Variants in TSPAN12 observed in about 807,000 individuals in gnomAD.
The protein encoded by TSPAN12 is tetraspanin-12.
TSPAN12 carries 19 observed loss-of-function variants against 39.2 expected under a neutral mutation model. The ratio of observed to expected loss-of-function variants is 0.49; its 90% confidence interval spans 0.34 to 0.71. TSPAN12 has a LOEUF of 0.71. Ranked by LOEUF, TSPAN12 falls within the 30% of genes least tolerant of loss-of-function variation. The pLI, the probability that TSPAN12 is intolerant of heterozygous loss-of-function variation, is 0.01. For missense variants in TSPAN12, 314 were observed against 359.9 expected, an observed-to-expected ratio of 0.87 and a Z score of 1.03; for synonymous variants, 119 against 124.8, an observed-to-expected ratio of 0.95 and a Z score of 0.31.
intron 7 of TSPAN12, among the ~76,000 whole-genome samples, chr7:120,803,687 C>A (rs572011520): frequency 1.3e-5 from 2 of 152,298 alleles, no homozygotes; most frequent in Non-Finnish European, 2.9e-5. Flanking sequence ...TCATGGCTGA[C>A]AATGCCAGCT....
chr7:120,834,676 T>C (rs555368503), intron 4 of TSPAN12, among the ~76,000 whole-genome samples: 66 of 152,340 alleles, frequency 4.3e-4, no homozygotes, highest in Middle Eastern at 3.4e-3. Flanking sequence ...TAATCTGTTT[T>C]ACAGCTCTTA....
chr7:120,853,300 G>T (rs895690168), intron 2 of TSPAN12, among the ~76,000 whole-genome samples: 6 of 151,454 alleles, frequency 4.0e-5, no homozygotes, highest in African/African-American at 1.5e-4. Flanking sequence ...CACCATGTTG[G>T]CCAGTATGGT....
intron 4 of TSPAN12, among the ~76,000 whole-genome samples, chr7:120,829,387 GA>G (rs1279177074): frequency 1.3e-5 from 2 of 150,772 alleles, no homozygotes; most frequent in Admixed American, 1.3e-4. Flanking sequence ...TACTAACCAT[GA>G]TTTTTTTTTT....
chr7:120,811,616 G>A (rs539707323), intron 5 of TSPAN12, among the ~76,000 whole-genome samples: 1 of 150,724 alleles, frequency 6.6e-6, no homozygotes, highest in South Asian at 2.1e-4. Context: ...GTTGCAGTGA[G>A]CCGAGATCAC....
Position 120,852,373 on chromosome 7 carries a change from C to T in TSPAN12, c.66+4325G>A, listed in dbSNP as rs1794785945. 2.6e-5 allele frequency among the ~76,000 whole-genome samples: 4 copies of T among 152,104 alleles called. No individual in the cohort carries two copies. In the South Asian group the frequency reaches 6.2e-4, roughly 24 times the overall value. On this transcript the variant is annotated intron_variant, in intron 2 of 7. Transcript: ENST00000222747. ...CAGACCCAGAGGGAGGAACAATCTC[C>T]CTCTCCATAGTCAGAATGTAAAGTC...
intron 6 of TSPAN12, among the ~76,000 whole-genome samples, chr7:120,806,948 C>A (rs1445943277): frequency 6.6e-6 from 1 of 152,042 alleles, no homozygotes; most frequent in Non-Finnish European, 1.5e-5. Flanking sequence ...AGACTCACTC[C>A]CTAACTGTAA....
At position 120,788,795 on chromosome 7, in the gene TSPAN12, T is replaced by G; in HGVS notation, c.715A>C (p.Ile239Leu). Reference protein sequence around the residue: ...SIGVTQILAMILTITLLWALY... With the variant: ...SIGVTQILAMLLTITLLWALY... ...GCCCAGAGCAGAGTAATGGTGAGAATCATGGCCAGGATTTGTGTCACCCCA... is the reference window on the plus strand; with the variant it reads ...GCCCAGAGCAGAGTAATGGTGAGAAGCATGGCCAGGATTTGTGTCACCCCA... Residue 239 changes from isoleucine to leucine, a missense_variant, in exon 8 of 8, where the codon ATT becomes CTT. Physicochemically the swap from Ile to Leu is conservative, Grantham distance 5 (BLOSUM62 2). Transcript: ENST00000222747. The G allele has an allele frequency of 6.2e-7, 1 of 1,614,152 alleles. No individual in the cohort carries two copies. Among genetic ancestry groups the G allele is most frequent in the Non-Finnish European group, 8.5e-7 (1 of 1,180,018 alleles).
rs559029510 is a variant in TSPAN12, at chr7:120,822,533, A to G, written c.286-6730T>C. On this transcript the variant is annotated intron_variant, in intron 4 of 7. Coordinates refer to ENST00000222747, the MANE Select transcript of TSPAN12 (RefSeq NM_012338.4). The stretch of plus-strand genomic sequence containing the variant: ...AGTATATTTTGGAAAAGTGCAAAGC[A>G]GAGAGCAGAGTGGCAAATTCCTCAG... 2.8e-5 allele frequency among the ~76,000 whole-genome samples: 4 copies of G among 144,160 alleles called. No individual in the cohort carries two copies. The South Asian group carries it at 8.3e-4, about 30-fold the overall frequency. The allele number at this position is 144,160 out of a possible 152,430, so 94.6% of individuals were successfully genotyped here. A position where few individuals can be genotyped will look rare whatever the true frequency, so the allele number is the denominator to read the frequency against.
At position 120,815,734 on chromosome 7, in the gene TSPAN12, G is replaced by C. The variant is rs750283380; in HGVS notation, c.355C>G (p.Leu119Val). The C allele has an allele frequency of 1.2e-6, 2 of 1,612,348 alleles. No homozygotes were observed. The highest frequency in any genetic ancestry group is 2.2e-5 in the South Asian group (2 of 90,944). The stretch of plus-strand genomic sequence containing the variant: ...TATATCTATTTTGAACTCACCATAA[G>C]TTCCTGTTCATATGTCCAAACGCCA... ...ACGVWTYEQE[L>V]MVPVQWSDMV... Residue 119 changes from leucine to valine, a missense_variant, in exon 5 of 8, where the codon CTT (leucine) becomes GTT (valine). Coordinates refer to ENST00000222747, the MANE Select transcript of TSPAN12 (RefSeq NM_012338.4).
At chr7:120,856,125 C>T (rs1403298557) in intron 2 of TSPAN12, among the ~76,000 whole-genome samples, 1 of 152,162 alleles carries the variant, frequency 6.6e-6, no homozygotes, top group Non-Finnish European at 1.5e-5. Context: ...AAAGCATACA[C>T]ACAATTCCTT....
In TSPAN12 at chr7:120,806,638, C is replaced by G. The variant is rs1475374613; in HGVS notation, c.523G>C (p.Asp175His). The change falls in exon 7 of 8, where the codon GAC (aspartate) becomes CAC (histidine). Residue 175 changes from aspartate (D) to histidine (H), a missense_variant. By Grantham distance (81) the Asp-to-His change is moderately conservative. Coordinates refer to ENST00000222747, the MANE Select transcript of TSPAN12 (RefSeq NM_012338.4). ...FTDWLEMTEM[D>H]WPPDSCCVRE... ...ACACAGCAGGAATCTGGGGGCCAGT[C>G]CATCTCTGTCATTTCCAACCAGTCA... 2 of 1,613,400 alleles carry G rather than the reference C, an allele frequency of 1.2e-6. No individual in the cohort carries two copies. Among genetic ancestry groups the G allele is most frequent in the South Asian group, 2.2e-5 (2 of 91,066 alleles).
rs754789159 is a variant in TSPAN12, at chr7:120,856,736, G to A, written c.28C>T (p.Leu10=). The change falls in exon 2 of 8, where the codon CTG becomes TTG. Residue 10 remains leucine, a synonymous_variant. Coordinates refer to ENST00000222747, the MANE Select transcript of TSPAN12 (RefSeq NM_012338.4). The part of the protein sequence containing the change: MAREDSVKC[L]RCLLYALNLL... ...TTGAGGGCGTAGAGCAGGCAGCGCA[G>A]ACACTTCACGGAATCTTCTCTGGCC... The A allele has an allele frequency of 3.7e-6, 6 of 1,614,216 alleles. No individual in the cohort carries two copies. In the East Asian group the frequency reaches 1.1e-4, roughly 30 times the overall value.
rs376081387 is a variant in TSPAN12, at chr7:120,837,632, T to C, written c.285+1145A>G. ...CGGCCTGAGTGTGCTTTATTTTCTA[T>C]AGCATTTTGTGTTTTTCAATATTCG... On this transcript the variant is annotated intron_variant, in intron 4 of 7. Transcript: ENST00000222747. Among the ~76,000 whole-genome samples, 13 of 152,174 alleles carry C rather than the reference T, an allele frequency of 8.5e-5. 1 individual carries two copies. The East Asian group carries it at 9.6e-4, about 11-fold the overall frequency.
At chr7:120,833,551 ATATTC>A (rs1486693590) in intron 4 of TSPAN12, among the ~76,000 whole-genome samples, 1 of 152,162 alleles carries the variant, frequency 6.6e-6, no homozygotes, top group Non-Finnish European at 1.5e-5. Context: ...ATCAATAGTT[ATATTC>A]AAAGTCTCTG....
chr7:120,815,864 C>T (rs2116388450), intron 4 of TSPAN12, 61 bp from the exon 5 acceptor site: 1 of 1,457,434 alleles, frequency 6.9e-7, no homozygotes, highest in South Asian at 1.2e-5. Flanking sequence ...TCCTCAAAGA[C>T]AGACTTGGTA....
chr7:120,856,079 G>A (rs1794864333), intron 2 of TSPAN12, among the ~76,000 whole-genome samples: 1 of 152,078 alleles, frequency 6.6e-6, no homozygotes, highest in African/African-American at 2.4e-5. Flanking sequence ...TACATTTTAT[G>A]TATTTTATTT....
intron 4 of TSPAN12, among the ~76,000 whole-genome samples, chr7:120,826,122 A>C (rs1279157681): frequency 6.6e-6 from 1 of 152,186 alleles, no homozygotes; most frequent in Non-Finnish European, 1.5e-5. Context: ...TATTTTTTCT[A>C]AAATTGTATC....
intron 7 of TSPAN12, among the ~76,000 whole-genome samples, chr7:120,802,198 C>T (rs1793785360): frequency 6.6e-6 from 1 of 152,176 alleles, no homozygotes; most frequent in Non-Finnish European, 1.5e-5. Flanking sequence ...AAGGCCAAGT[C>T]TTACACCTCG....
intron 6 of TSPAN12, among the ~76,000 whole-genome samples, chr7:120,808,707 C>T (rs981693168): frequency 1.3e-5 from 2 of 152,068 alleles, no homozygotes; most frequent in African/African-American, 4.8e-5. Flanking sequence ...AAGTGAGAGT[C>T]CGCTAAGTTG....
Sources: allele counts gnomAD v4.1 joint callset (sites outside exome capture counted in the v4.1 genomes callset), GRCh38; gene constraint gnomAD v4.1.1; transcripts MANE v1.5; gene names NCBI Gene and HGNC (gene_info 2026-07-23, HGNC 2026-07-21).